PLXND1: variants seen among roughly 807,000 people sequenced by gnomAD.
PLXND1 encodes plexin-D1.
A neutral mutation model predicts 197.7 loss-of-function variants in PLXND1; 54 were observed. The observed-to-expected ratio is 0.27, with a 90% CI of 0.22 to 0.34. The LOEUF is 0.34. Ranked by LOEUF, PLXND1 falls within the 10% of genes least tolerant of loss-of-function variation. PLXND1 has a pLI of 1.00. For synonymous variants in PLXND1, 1,180 were observed against 1,161.2 expected, an observed-to-expected ratio of 1.02 and a Z score of -0.33; for missense variants, 2,127 against 2,699.2, an observed-to-expected ratio of 0.79 and a Z score of 4.70.
chr3:129,566,749 T>A, intron 22 of PLXND1, 118 bp from the exon 23 acceptor site: 1 of 619,676 alleles, frequency 1.6e-6, no homozygotes, highest in Non-Finnish European at 2.8e-6. Flanking sequence ...GGCACGGAAT[T>A]AGCTCCCCAT....
intron 1 of PLXND1, among the ~76,000 whole-genome samples, chr3:129,593,424 A>G (rs1323522537): frequency 1.3e-5 from 2 of 152,164 alleles, no homozygotes; most frequent in Non-Finnish European, 2.9e-5. Context: ...TTGGCACTTC[A>G]GCGCCCCCGG....
In PLXND1 at chr3:129,556,653, T is replaced by G. The variant is rs1269132386; in HGVS notation, c.5625A>C (p.Ala1875=). The G allele has an allele frequency of 6.2e-7, 1 of 1,613,262 alleles. No homozygotes were observed. Among genetic ancestry groups the G allele is most frequent in the African/African-American group, 1.3e-5 (1 of 74,896 alleles). The part of the protein sequence containing the change: ...QNEFNTNVAM[A]EIYKYAKRYR... Reference sequence around the variant, plus strand: ...ACCTCTTGGCGTACTTATAAATCTCTGCCATGGCCACATTGGTGTTGAACT... The same window carrying G: ...ACCTCTTGGCGTACTTATAAATCTCGGCCATGGCCACATTGGTGTTGAACT... Residue 1875 remains alanine (A), a synonymous_variant, in exon 35 of 36, where the codon GCA becomes GCC. Transcript: ENST00000324093.
At chr3:129,584,606 C>T in intron 5 of PLXND1, 44 bp from the exon 6 acceptor site, 2 of 1,543,320 alleles carry the variant, frequency 1.3e-6, no homozygotes, top group South Asian at 1.2e-5. Context: ...AGGCTATGCT[C>T]CTCACAGCCT....
intron 8 of PLXND1, among the ~76,000 whole-genome samples, chr3:129,580,890 G>A (rs192789013): frequency 4.0e-5 from 6 of 150,718 alleles, no homozygotes; most frequent in Admixed American, 2.6e-4. Context: ...CCACTGGCCC[G>A]TAGTGACCAC....
chr3:129,572,830 GC>G lies in PLXND1; in HGVS notation c.2937+11del, dbSNP rs71912492. 4,030 of 1,612,778 alleles carry G rather than the reference GC, an allele frequency of 2.5e-3. 63 individuals carry two copies. The African/African-American group carries it at 0.039, about 16-fold the overall frequency. The stretch of plus-strand genomic sequence containing the variant: ...TGGGCGGGCCGGACAGTGGGCTGCA[GC>G]CCCCCCTTACCACGTAGGAGAAGCG... On this transcript the variant is annotated intron_variant, in intron 14 of 35. Transcript: ENST00000324093.
intron 7 of PLXND1, 77 bp from the exon 8 acceptor site, chr3:129,583,746 A>C: frequency 2.1e-6 from 2 of 930,840 alleles, no homozygotes; most frequent in Non-Finnish European, 3.4e-6. Context: ...TAGAACCCAA[A>C]AGGCAGATCC....
chr3:129,562,639 G>T, intron 27 of PLXND1, 148 bp downstream of exon 27: 1 of 676,076 alleles, frequency 1.5e-6, no homozygotes, highest in South Asian at 2.2e-5. Flanking sequence ...CAGAGTAAGA[G>T]CTTCTTGCTG....
chr3:129,589,307 G>GCCGGGGGGCCCCCCCCCCCCCCCCCCCCC, intron 2 of PLXND1, 44 bp downstream of exon 2: 1 of 684,692 alleles, frequency 1.5e-6, no homozygotes, highest in African/African-American at 1.8e-5. Flanking sequence ...TCCCAGGGGA[G>GCCGGGGGGCCCCCCCCCCCCCCCCCCCCC]CCTCCCACCC....
chr3:129,572,770 T>C, intron 14 of PLXND1, 22 bp from the exon 15 acceptor site: 2 of 1,601,978 alleles, frequency 1.2e-6, no homozygotes, highest in Non-Finnish European at 1.7e-6. Flanking sequence ...AGGCAGGCGT[T>C]TGGGCCTCGG....
intron 1 of PLXND1, among the ~76,000 whole-genome samples, chr3:129,597,751 G>A (rs2811446): frequency 0.98 from 149,427 of 152,340 alleles, 73,359 homozygotes; most frequent in East Asian, 1. Context: ...TGTTTGGTTC[G>A]GCCCTGGCTC....
intron 8 of PLXND1, among the ~76,000 whole-genome samples, chr3:129,580,151 G>T (rs10934885): frequency 0.79 from 119,618 of 152,110 alleles, 47,227 homozygotes; most frequent in Non-Finnish European, 0.8. Flanking sequence ...AACACAGGAA[G>T]GCTCCAGTTG....
intron 3 of PLXND1, 107 bp from the exon 4 acceptor site, chr3:129,586,379 G>C (rs2085461435): frequency 9.5e-7 from 1 of 1,049,300 alleles, no homozygotes; most frequent in African/African-American, 1.6e-5. Flanking sequence ...GAAACTGAGG[G>C]TCAACACTCT....
At chr3:129,589,647 T>G in intron 1 of PLXND1, 120 bp from the exon 2 acceptor site, 1 of 853,998 alleles carries the variant, frequency 1.2e-6, no homozygotes, top group Non-Finnish European at 1.8e-6. Flanking sequence ...TCCTACTTTA[T>G]ATCCTCAGTG....
At chr3:129,600,578 C>T (rs574547384) in intron 1 of PLXND1, among the ~76,000 whole-genome samples, 2 of 152,038 alleles carry the variant, frequency 1.3e-5, no homozygotes, top group Non-Finnish European at 2.9e-5. Context: ...TGCCCATGTA[C>T]CTGGGGGTCG....
intron 9 of PLXND1, 114 bp downstream of exon 9, chr3:129,578,215 G>T: frequency 1.4e-6 from 1 of 722,164 alleles, no homozygotes. Context: ...AGGTGCGAAA[G>T]CACTGCAGTG....
chr3:129,574,244 G>A (rs1048943450), intron 12 of PLXND1, 92 bp downstream of exon 12: 68 of 1,243,390 alleles, frequency 5.5e-5, no homozygotes, highest in South Asian at 5.2e-4. Context: ...TGTATGTGCC[G>A]TTTGGGTCCC....
Position 129,578,358 on chromosome 3 carries a change from C to T in PLXND1, c.2317G>A (p.Val773Met). Residue 773 changes from valine (V) to methionine (M), a missense_variant, in exon 9 of 36, where the codon GTG (valine) becomes ATG (methionine). Physicochemically the swap from Val to Met is conservative, Grantham distance 21. This residue lies in a region of PLXND1 where 1,095 missense variants were observed against 1,259.8 expected (regional missense o/e 0.87). Transcript: ENST00000324093. ...VPTGGSQNIL[V>M]PLANTAFFQG... Reference sequence around the variant, plus strand: ...AAAAAGGCAGTGTTGGCCAGAGGCACCAGGATGTTCTGGGAGCCACCCGTA... The same window carrying T: ...AAAAAGGCAGTGTTGGCCAGAGGCATCAGGATGTTCTGGGAGCCACCCGTA... 2 of 1,606,620 alleles carry T rather than the reference C, an allele frequency of 1.2e-6. No individual in the cohort carries two copies. The highest frequency in any genetic ancestry group is 1.7e-6 in the Non-Finnish European group (2 of 1,177,192).
intron 1 of PLXND1, among the ~76,000 whole-genome samples, chr3:129,597,667 A>T (rs1379243244): frequency 6.6e-6 from 1 of 152,228 alleles, no homozygotes; most frequent in African/African-American, 2.4e-5. Context: ...TGGCCCCCAG[A>T]TCTTGACTGC....
rs768707128 is a variant in PLXND1, at chr3:129,605,856, C to A, written c.784G>T (p.Asp262Tyr). ...CCCTGCTTGATCTTGAGGATGTTGT[C>A]GTCGGAGGGGTTGAGGTCGAAGGTG... ...LFTFDLNPSD[D>Y]NILKIKQGAK... is the part of the protein sequence containing the mutation. The change falls in exon 1 of 36, where the codon GAC (aspartate) becomes TAC (tyrosine). Residue 262 changes from aspartate (D) to tyrosine (Y), a missense_variant. Physicochemically the swap from Asp to Tyr is radical, Grantham distance 160. Coordinates refer to ENST00000324093, the MANE Select transcript of PLXND1 (RefSeq NM_015103.3). 3 of 1,613,332 alleles carry A rather than the reference C, an allele frequency of 1.9e-6. 1 individual carries two copies. In the South Asian group the frequency reaches 3.3e-5, roughly 18 times the overall value.
Sources: allele counts gnomAD v4.1 joint callset (sites outside exome capture counted in the v4.1 genomes callset), GRCh38; gene constraint gnomAD v4.1.1; regional missense constraint gnomAD v4.1.1; transcripts MANE v1.5; gene names NCBI Gene and HGNC (gene_info 2026-07-23, HGNC 2026-07-21).